Variants in TNFAIP8 observed in about 807,000 individuals in gnomAD.
TNFAIP8 encodes the protein tumor necrosis factor alpha-induced protein 8.
Under a neutral mutation model 13.3 loss-of-function variants are expected in TNFAIP8, and 7 were observed. That is an observed-to-expected ratio of 0.52 (90% CI 0.30 to 0.99). The LOEUF (loss-of-function observed/expected upper bound fraction) is 0.99, where lower values mean the gene tolerates loss of function less well. Ranked by LOEUF, TNFAIP8 falls within the 50% of genes least tolerant of loss-of-function variation. TNFAIP8 has a pLI of 0.07. For missense variants in TNFAIP8, 258 were observed against 236.9 expected, an observed-to-expected ratio of 1.09 and a Z score of -0.58; for synonymous variants, 94 against 87.6, an observed-to-expected ratio of 1.07 and a Z score of -0.41.
intron 1 of TNFAIP8, among the ~76,000 whole-genome samples, chr5:119,370,085 C>A (rs1752016417): frequency 6.7e-6 from 1 of 148,646 alleles, no homozygotes; most frequent in Non-Finnish European, 1.5e-5. Context: ...TTTGAAATGC[C>A]TGCTTTTCTT....
chr5:119,367,312 G>A (rs1439933371), intron 1 of TNFAIP8, among the ~76,000 whole-genome samples: 1 of 57,878 alleles, frequency 1.7e-5, no homozygotes, highest in Non-Finnish European at 4.4e-5. Context: ...TGTTGCTGTT[G>A]TTTAGTTATT....
chr5:119,384,027 T>A (rs1387232113), intron 1 of TNFAIP8, among the ~76,000 whole-genome samples: 1 of 152,238 alleles, frequency 6.6e-6, no homozygotes. Flanking sequence ...AGCTCATGTA[T>A]TATAGTGTAA....
intron 1 of TNFAIP8, among the ~76,000 whole-genome samples, chr5:119,345,973 T>C (rs1274038091): frequency 1.3e-5 from 2 of 152,030 alleles, no homozygotes; most frequent in Non-Finnish European, 2.9e-5. Flanking sequence ...AAAGAGAACT[T>C]TAAATAACAG....
chr5:119,359,914 A>G (rs531262875), intron 1 of TNFAIP8, among the ~76,000 whole-genome samples: 1 of 152,332 alleles, frequency 6.6e-6, no homozygotes, highest in South Asian at 2.1e-4. Context: ...GTTTCCTTTT[A>G]TGTAGTCATT....
intron 1 of TNFAIP8, among the ~76,000 whole-genome samples, chr5:119,375,912 A>T (rs1752259629): frequency 6.6e-6 from 1 of 152,104 alleles, no homozygotes; most frequent in Non-Finnish European, 1.5e-5. Flanking sequence ...ACTTTTTAAA[A>T]ATCTTGAACC....
intron 1 of TNFAIP8, among the ~76,000 whole-genome samples, chr5:119,279,807 T>C (rs755717267): frequency 6.6e-6 from 1 of 152,244 alleles, no homozygotes; most frequent in African/African-American, 2.4e-5. Flanking sequence ...TCATTTGTTA[T>C]ATGCTTTTAA....
chr5:119,337,489 G>T (rs1750592851), intron 1 of TNFAIP8, among the ~76,000 whole-genome samples: 1 of 152,100 alleles, frequency 6.6e-6, no homozygotes, highest in Admixed American at 6.5e-5. Context: ...TGCTCCTCAG[G>T]GAGCTATCTG....
intron 1 of TNFAIP8, among the ~76,000 whole-genome samples, chr5:119,348,372 A>G (rs1017879126): frequency 6.6e-6 from 1 of 152,248 alleles, no homozygotes; most frequent in Admixed American, 6.5e-5. Flanking sequence ...TAAGGAGTAA[A>G]GGCAGTGGTT....
chr5:119,333,845 T>C (rs1054010194), intron 1 of TNFAIP8, among the ~76,000 whole-genome samples: 4 of 152,178 alleles, frequency 2.6e-5, no homozygotes, highest in African/African-American at 9.6e-5. Flanking sequence ...GAGGTATGAG[T>C]ATTGTGGGTG....
intron 1 of TNFAIP8, among the ~76,000 whole-genome samples, chr5:119,380,320 G>T (rs1048625922): frequency 1.3e-5 from 2 of 152,366 alleles, no homozygotes; most frequent in African/African-American, 4.8e-5. Flanking sequence ...GTTGACCATT[G>T]ATGCCAGCTG....
chr5:119,372,674 T>C (rs1449029276), intron 1 of TNFAIP8, among the ~76,000 whole-genome samples: 1 of 152,190 alleles, frequency 6.6e-6, no homozygotes, highest in Non-Finnish European at 1.5e-5. Context: ...AAAATTATGT[T>C]AGTGGCTGGG....
chr5:119,368,429 G>A (rs1751949885), intron 1 of TNFAIP8, among the ~76,000 whole-genome samples: 1 of 102,534 alleles, frequency 9.8e-6, no homozygotes, highest in Non-Finnish European at 2.0e-5. Context: ...ATTCTAAGCA[G>A]CGTGTGTGTG....
intron 1 of TNFAIP8, among the ~76,000 whole-genome samples, chr5:119,374,315 C>T (rs1752198442): frequency 6.6e-6 from 1 of 152,082 alleles, no homozygotes. Flanking sequence ...CATATCAGCT[C>T]TCAAAAACTT....
At chr5:119,348,880 CA>C (rs60633145) in intron 1 of TNFAIP8, among the ~76,000 whole-genome samples, 1,916 of 90,668 alleles carry the variant, frequency 0.021, 14 homozygotes, top group Admixed American at 0.056. Context: ...AACTCCATCT[CA>C]AAAAAAAAAA....
intron 1 of TNFAIP8, among the ~76,000 whole-genome samples, chr5:119,285,726 C>T (rs59473275): frequency 6.6e-6 from 1 of 152,122 alleles, no homozygotes; most frequent in Non-Finnish European, 1.5e-5. Context: ...ATACAAAAAG[C>T]GTTCATTACA....
intron 1 of TNFAIP8, among the ~76,000 whole-genome samples, chr5:119,374,620 T>C (rs1014236645): frequency 3.9e-5 from 6 of 152,226 alleles, no homozygotes; most frequent in African/African-American, 1.4e-4. Context: ...TGTAGCTCTT[T>C]GCATCTTATA....
chr5:119,351,307 A>T (rs1486116719), upstream of TNFAIP8, among the ~76,000 whole-genome samples: 1 of 152,090 alleles, frequency 6.6e-6, no homozygotes, highest in Admixed American at 6.5e-5. Flanking sequence ...GATTAAATTC[A>T]TGAGCCAGTG....
rs564674179 is a variant in TNFAIP8 at position 119,273,460 on chromosome 5, A to G, written c.1+4553A>G. ...ATGTAGCACAACTTCAGTGATTGCT[A>G]GCTGCAGGGTCACATGATTATATAA... is the stretch of plus-strand genomic sequence containing the variant. On this transcript the variant is annotated intron_variant, in intron 1 of 1. Transcript: ENST00000274456. 3.9e-5 allele frequency among the ~76,000 whole-genome samples: 6 copies of G among 152,344 alleles called. No homozygotes were observed. The South Asian group carries it at 1.2e-3, about 32-fold the overall frequency.
intron 1 of TNFAIP8, among the ~76,000 whole-genome samples, chr5:119,382,143 A>G (rs993571265): frequency 5.3e-5 from 8 of 152,152 alleles, no homozygotes; most frequent in African/African-American, 1.9e-4. Context: ...AATCATATTT[A>G]TTTCTATAAG....
Sources: gnomAD v4.1 joint callset for allele counts (sites outside exome capture counted in the v4.1 genomes callset) on GRCh38, gnomAD v4.1.1 for gene constraint, MANE v1.5 for transcripts, NCBI Gene and HGNC (gene_info 2026-07-23, HGNC 2026-07-21) for gene names.